The following KCNQ1 variants were observed in gnomAD, a reference collection of about 807,000 sequenced individuals.
KCNQ1 encodes potassium voltage-gated channel subfamily Q member 1.
A neutral mutation model predicts 72.4 loss-of-function variants in KCNQ1; 49 were observed. The ratio of observed to expected loss-of-function variants is 0.68; its 90% CI spans 0.54 to 0.86. The LOEUF (loss-of-function observed/expected upper bound fraction) is 0.86. Ranked by LOEUF, KCNQ1 falls within the 40% of genes least tolerant of loss-of-function variation. KCNQ1 has a pLI of 0.00. For synonymous variants in KCNQ1, 450 were observed against 412.6 expected, an observed-to-expected ratio of 1.09 and a Z score of -1.10; for missense variants, 790 against 945.1, an observed-to-expected ratio of 0.84 and a Z score of 2.15.
chr11:2,624,649 A>G lies in KCNQ1; in HGVS notation c.1393+35795A>G. ...TTCAGTGAATGTATTAGATACGTTC[A>G]CAATGCTGTGCAATCATCACTATCA... On this transcript the variant is annotated intron_variant, in intron 10 of 15. Transcript: ENST00000155840. This position sits in a 1 kb window ranked among gnomAD's most constrained non-coding sequence, Gnocchi z 4.9. 1 of 398,602 alleles carries G rather than the reference A, an allele frequency of 2.5e-6. No individual in the cohort carries two copies. 24.7% of individuals were successfully genotyped at this position (398,602 alleles called of 1,614,324 possible). A position where few individuals can be genotyped will look rare whatever the true frequency, so the allele number is the denominator to read the frequency against.
At position 2,624,613 on chromosome 11, in the gene KCNQ1, T is replaced by G; in HGVS notation, c.1393+35759T>G. The G allele has an allele frequency of 2.5e-6, 1 of 398,552 alleles. No individual in the cohort carries two copies. The highest frequency in any genetic ancestry group is 4.4e-6 in the Non-Finnish European group (1 of 226,042). 24.7% of individuals were successfully genotyped at this position (398,552 alleles called of 1,614,324 possible). A position where few individuals can be genotyped will look rare whatever the true frequency, so the allele number is the denominator to read the frequency against. On this transcript the variant is annotated intron_variant, in intron 10 of 15. Transcript: ENST00000155840. This position sits in a 1 kb window ranked among gnomAD's most constrained non-coding sequence, Gnocchi z 4.9. The stretch of plus-strand genomic sequence containing the variant: ...ATAAAAATTACCATCCTAACCAATT[T>G]TAGTGTACAATTCAGTGAATGTATT...
chr11:2,620,078 T>A lies in KCNQ1; in HGVS notation c.1393+31224T>A, dbSNP rs1849140351. 2.5e-6 allele frequency: 1 copy of A among 398,380 alleles called. No homozygotes were observed. The highest frequency in any genetic ancestry group is 4.4e-6 in the Non-Finnish European group (1 of 226,020). The allele number at this position is 398,380 out of a possible 1,614,324, so 24.7% of individuals were successfully genotyped here. A position where few individuals can be genotyped will look rare whatever the true frequency, so the allele number is the denominator to read the frequency against. On this transcript the variant is annotated intron_variant, in intron 10 of 15. Transcript: ENST00000155840. The surrounding 1 kb of genome is among the most constrained non-coding windows in gnomAD (Gnocchi z 4.5). Reference sequence around the variant, plus strand: ...TCTTTATGTCCATGTTTACTCAGTGTTTAGGTCCCACTTGCAAGTGGTAAC... The same window carrying A: ...TCTTTATGTCCATGTTTACTCAGTGATTAGGTCCCACTTGCAAGTGGTAAC...
chr11:2,644,375 A>T (rs570779485), intron 10 of KCNQ1: 2 of 398,116 alleles, frequency 5.0e-6, no homozygotes, highest in African/African-American at 2.1e-5. Flanking sequence ...GAAGCTTTCA[A>T]ATATGTTTTT....
rs1037169644 is a variant in KCNQ1 at position 2,664,538 on chromosome 11, C to T, written c.1514+2457C>T. On this transcript the variant is annotated intron_variant, in intron 11 of 15. Transcript: ENST00000155840. This position sits in a 1 kb window ranked among gnomAD's most constrained non-coding sequence, Gnocchi z 5.1. ...TTTCCTCAGGGCCCAAACCGCCTGG[C>T]GGCAGGGGTGTGGGGGCCGTGCAGG... 5.5e-5 allele frequency: 22 copies of T among 398,734 alleles called. No individual in the cohort carries two copies. The highest frequency in any genetic ancestry group is 6.3e-4 in the Middle Eastern group (1 of 1,588). The allele number at this position is 398,734 out of a possible 1,614,324, so 24.7% of individuals were successfully genotyped here. A position where few individuals can be genotyped will look rare whatever the true frequency, so the allele number is the denominator to read the frequency against.
chr11:2,616,686 G>A (rs1271549297), intron 10 of KCNQ1: 3 of 398,020 alleles, frequency 7.5e-6, no homozygotes, highest in Non-Finnish European at 1.3e-5. Context: ...CCCTGAATTT[G>A]TTAATTTTTA....
intron 10 of KCNQ1, among the ~76,000 whole-genome samples, chr11:2,594,025 T>C (rs369574550): frequency 6.6e-6 from 1 of 152,232 alleles, no homozygotes; most frequent in African/African-American, 2.4e-5. Flanking sequence ...ATCCTCTTTT[T>C]GTTGATGCTG....
rs546693591 is a variant in KCNQ1 at position 2,515,657 on chromosome 11, G to C, written c.387-12271G>C. Reference sequence around the variant, plus strand: ...GGCAGGCCTCTCACAGAGACAAGACGAGTGTCCTAGGGCAGATAGGGCCAC... The same window carrying C: ...GGCAGGCCTCTCACAGAGACAAGACCAGTGTCCTAGGGCAGATAGGGCCAC... On this transcript the variant is annotated intron_variant, in intron 1 of 15. Coordinates refer to ENST00000155840, the MANE Select transcript of KCNQ1 (RefSeq NM_000218.3). This position sits in a 1 kb window ranked among gnomAD's most constrained non-coding sequence, Gnocchi z 4.7. 1.3e-5 allele frequency among the ~76,000 whole-genome samples: 2 copies of C among 152,224 alleles called. No homozygotes were observed. Among genetic ancestry groups the C allele is most frequent in the East Asian group, 3.9e-4 (2 of 5,176 alleles).
rs527731050 is a variant in KCNQ1, at chr11:2,727,527, A to T, written c.1515-41317A>T. Reference sequence around the variant, plus strand: ...GAGGTTGCCTGAGCTTAACAGAATGATGGCTGTCTGACATGAGGCTCACAA... The same window carrying T: ...GAGGTTGCCTGAGCTTAACAGAATGTTGGCTGTCTGACATGAGGCTCACAA... On this transcript the variant is annotated intron_variant, in intron 11 of 15. Coordinates refer to ENST00000155840, the MANE Select transcript of KCNQ1 (RefSeq NM_000218.3). 3.9e-5 allele frequency among the ~76,000 whole-genome samples: 6 copies of T among 152,266 alleles called. No homozygotes were observed. The East Asian group carries it at 1.2e-3, about 29-fold the overall frequency.
chr11:2,751,417 A>G (rs1038296790), intron 11 of KCNQ1, among the ~76,000 whole-genome samples: 43 of 152,216 alleles, frequency 2.8e-4, no homozygotes, highest in African/African-American at 1.0e-3. Flanking sequence ...GGCAAGGCTG[A>G]GCAGCTGCCC....
rs973707137 is a variant in KCNQ1 at position 2,781,583 on chromosome 11, G to C, written c.1794+3546G>C. Among the ~76,000 whole-genome samples, 1 of 152,326 alleles carries C rather than the reference G, an allele frequency of 6.6e-6. No individual in the cohort carries two copies. Among genetic ancestry groups the C allele is most frequent in the Admixed American group, 6.5e-5 (1 of 15,304 alleles). On this transcript the variant is annotated intron_variant, in intron 15 of 15. Coordinates refer to ENST00000155840, the MANE Select transcript of KCNQ1 (RefSeq NM_000218.3). This position sits in a 1 kb window ranked among gnomAD's most constrained non-coding sequence, Gnocchi z 6.6. ...AGGGCTGGCAGTCTGTGTGGGGGCT[G>C]CATACCCCAGACATTCTGAGGAATC...
rs1354986580 is a variant in KCNQ1, at chr11:2,633,261, G to C, written c.1394-28700G>C. On this transcript the variant is annotated intron_variant, in intron 10 of 15. Transcript: ENST00000155840. ...GGTGTTTTTTGCTGTTGAATTGTTT[G>C]AATTCCTTGTATATTCCGGATATTA... 7.5e-6 allele frequency: 3 copies of C among 398,322 alleles called. No homozygotes were observed. The East Asian group carries it at 1.1e-4, about 14-fold the overall frequency. 24.7% of individuals were successfully genotyped at this position (398,322 alleles called of 1,614,324 possible).
Position 2,695,404 on chromosome 11 carries a change from C to T in KCNQ1, c.1514+33323C>T, listed in dbSNP as rs1477895279. On this transcript the variant is annotated intron_variant, in intron 11 of 15. Transcript: ENST00000155840. The surrounding 1 kb of genome is among the most constrained non-coding windows in gnomAD (Gnocchi z 5.2). ...GTGGTGTGTAATTTTAATTTAAATACACAGTCATGTACTGAGGCCCTCTTT... is the reference window on the plus strand; with the variant it reads ...GTGGTGTGTAATTTTAATTTAAATATACAGTCATGTACTGAGGCCCTCTTT... The T allele has an allele frequency of 1.8e-5, 7 of 398,448 alleles. No individual in the cohort carries two copies. The highest frequency in any genetic ancestry group is 1.4e-4 in the African/African-American group (7 of 48,608). The allele number at this position is 398,448 out of a possible 1,614,324, so 24.7% of individuals were successfully genotyped here.
rs183508263 is a variant in KCNQ1 at position 2,523,612 on chromosome 11, C to T, written c.387-4316C>T. 1.5e-3 allele frequency among the ~76,000 whole-genome samples: 230 copies of T among 152,312 alleles called. 1 individual carries two copies. Among genetic ancestry groups the T allele is most frequent in the African/African-American group, 5.4e-3 (226 of 41,570 alleles). The stretch of plus-strand genomic sequence containing the variant: ...CCGTGATGGCAGATGCAGAAGGCAG[C>T]GTCGCCTGTGGTCTTTTAGAAGGGC... On this transcript the variant is annotated intron_variant, in intron 1 of 15. Coordinates refer to ENST00000155840, the MANE Select transcript of KCNQ1 (RefSeq NM_000218.3).
chr11:2,467,436 A>G (rs1362700981), intron 1 of KCNQ1, among the ~76,000 whole-genome samples: 1 of 151,992 alleles, frequency 6.6e-6, no homozygotes, highest in African/African-American at 2.4e-5. Flanking sequence ...GGCTTGATAT[A>G]GGCTTCTGCA....
rs550976894 is a variant in KCNQ1, at chr11:2,579,353, G to A, written c.922-4082G>A. 2.6e-5 allele frequency among the ~76,000 whole-genome samples: 4 copies of A among 152,314 alleles called. No homozygotes were observed. In the East Asian group the frequency reaches 5.8e-4, roughly 22 times the overall value. ...CGGGGGAAACACACTGACCAGTGGG[G>A]TGTGCGTTCCCCGCTCGCCCCCACA... On this transcript the variant is annotated intron_variant, in intron 6 of 15. Coordinates refer to ENST00000155840, the MANE Select transcript of KCNQ1 (RefSeq NM_000218.3). This position sits in a 1 kb window ranked among gnomAD's most constrained non-coding sequence, Gnocchi z 6.0.
In KCNQ1 at chr11:2,767,187, T is replaced by TA. The variant is rs56981519; in HGVS notation, c.1515-1657_1515-1656insA. 0.041 allele frequency among the ~76,000 whole-genome samples: 6,025 copies of TA among 148,090 alleles called. 256 individuals carry two copies. The highest frequency in any genetic ancestry group is 0.13 in the East Asian group (663 of 5,036). On this transcript the variant is annotated intron_variant, in intron 11 of 15. Transcript: ENST00000155840. The surrounding 1 kb of genome is among the most constrained non-coding windows in gnomAD (Gnocchi z 4.6). Reference sequence around the variant, plus strand: ...ATCTATATGTGTGTGTGTGTGTGTATTTTTTTTTTTCTTTGCTTAGCTAGG... The same window carrying TA: ...ATCTATATGTGTGTGTGTGTGTGTATATTTTTTTTTTCTTTGCTTAGCTAGG...
intron 10 of KCNQ1, chr11:2,637,139 G>C (rs945729041): frequency 1.3e-5 from 2 of 151,996 alleles, no homozygotes; most frequent in East Asian, 3.9e-4. Flanking sequence ...CCACCTCCTG[G>C]ATTCATTGAT....
intron 15 of KCNQ1, among the ~76,000 whole-genome samples, chr11:2,791,345 G>A (rs1178674045): frequency 6.6e-6 from 1 of 151,974 alleles, no homozygotes; most frequent in East Asian, 1.9e-4. Flanking sequence ...GGGCGGTGCG[G>A]AGCCTTGTCT....
rs767877623 is a variant in KCNQ1 at position 2,563,371 on chromosome 11, C to T, written c.478-7257C>T. Among the ~76,000 whole-genome samples the T allele has an allele frequency of 5.9e-5, 9 of 152,226 alleles. No individual in the cohort carries two copies. The highest frequency in any genetic ancestry group is 7.3e-5 in the Non-Finnish European group (5 of 68,044). ...GAGACTAAAAATCCCAGATAAGCAC[C>T]TGCTTTGCTAGACCCTTGCTGGCCC... On this transcript the variant is annotated intron_variant, in intron 2 of 15. Transcript: ENST00000155840. The surrounding 1 kb of genome is among the most constrained non-coding windows in gnomAD (Gnocchi z 7.4).
Sources: allele counts gnomAD v4.1 joint callset (sites outside exome capture counted in the v4.1 genomes callset), GRCh38; gene constraint gnomAD v4.1.1; non-coding constraint Gnocchi (gnomAD v3.1); transcripts MANE v1.5; gene names NCBI Gene and HGNC (gene_info 2026-07-23, HGNC 2026-07-21).